Variants in NKAIN2 observed in about 807,000 individuals in gnomAD.
The protein encoded by NKAIN2 is sodium/potassium transporting ATPase interacting 2.
NKAIN2 carries 14 observed loss-of-function variants against 32.6 expected under a neutral mutation model. That is an observed-to-expected ratio of 0.43 (90% CI 0.28 to 0.67). The LOEUF is 0.67. NKAIN2 is among the 30% of genes least tolerant of loss of function. The probability of loss-of-function intolerance (pLI) is 0.17; values close to 1 mark genes in which losing one functional copy is unlikely to be tolerated. For missense variants in NKAIN2, 198 were observed against 258.3 expected (o/e 0.77, Z 1.60); for synonymous variants, 80 against 87.2 (o/e 0.92, Z 0.46).
chr6:123,858,815 A>G (rs1775665183), intron 1 of NKAIN2, among the ~76,000 whole-genome samples: 1 of 152,224 alleles, frequency 6.6e-6, no homozygotes, highest in Non-Finnish European at 1.5e-5. Context: ...AGTGAGTGTG[A>G]TGCCAGAAGA....
rs76406208 is a variant in NKAIN2 at position 124,419,955 on chromosome 6, G to A, written c.273+64608G>A. On this transcript the variant is annotated intron_variant, in intron 3 of 6. Transcript: ENST00000368417. ...GCAAGATTTCTTCCTTTTTTTTCCC[G>A]GAATATCCTGGAATATGATCATTTG... Among the ~76,000 whole-genome samples the A allele has an allele frequency of 6.8e-3, 1,029 of 151,754 alleles. 14 individuals carry two copies. The highest frequency in any genetic ancestry group is 0.023 in the African/African-American group (959 of 41,356).
intron 1 of NKAIN2, among the ~76,000 whole-genome samples, chr6:123,934,656 G>A (rs1776418589): frequency 6.6e-6 from 1 of 151,896 alleles, no homozygotes; most frequent in South Asian, 2.1e-4. Flanking sequence ...AAATCTTAAG[G>A]AATAAATAAC....
chr6:124,503,717 A>G (rs1430448200), intron 3 of NKAIN2, among the ~76,000 whole-genome samples: 3 of 152,172 alleles, frequency 2.0e-5, no homozygotes, highest in Non-Finnish European at 4.4e-5. Context: ...GCACAAAAAT[A>G]AAACTGACTC....
intron 3 of NKAIN2, among the ~76,000 whole-genome samples, chr6:124,427,977 T>C (rs1426954253): frequency 6.6e-6 from 1 of 152,158 alleles, no homozygotes; most frequent in Non-Finnish European, 1.5e-5. Flanking sequence ...AAATGGAATG[T>C]CAAAGACAGA....
chr6:124,232,633 C>T (rs1005596486), intron 1 of NKAIN2, among the ~76,000 whole-genome samples: 1 of 152,174 alleles, frequency 6.6e-6, no homozygotes, highest in African/African-American at 2.4e-5. Context: ...GTTATCCCCC[C>T]ACTTTCCTGA....
chr6:123,990,361 C>T (rs1267720704), intron 1 of NKAIN2, among the ~76,000 whole-genome samples: 1 of 152,126 alleles, frequency 6.6e-6, no homozygotes, highest in African/African-American at 2.4e-5. Context: ...CTAAAATATC[C>T]ATATTTTTAG....
chr6:124,509,946 T>C (rs1778645735), intron 3 of NKAIN2, among the ~76,000 whole-genome samples: 1 of 152,186 alleles, frequency 6.6e-6, no homozygotes, highest in African/African-American at 2.4e-5. Flanking sequence ...AAATGTTCCT[T>C]TCAGTCAGAA....
intron 1 of NKAIN2, among the ~76,000 whole-genome samples, chr6:124,229,501 C>CAGAT (rs371937856): frequency 0.21 from 29,438 of 142,646 alleles, 3,211 homozygotes; most frequent in Admixed American, 0.32. Context: ...GATAGATAGA[C>CAGAT]AGATAGATAG....
chr6:124,197,824 T>C (rs1790387838), intron 1 of NKAIN2, among the ~76,000 whole-genome samples: 1 of 147,848 alleles, frequency 6.8e-6, no homozygotes, highest in Non-Finnish European at 1.5e-5. Flanking sequence ...TTTCAGAGTA[T>C]AACCTGTGTC....
intron 1 of NKAIN2, among the ~76,000 whole-genome samples, chr6:123,883,388 A>G (rs1042253805): frequency 1.3e-5 from 2 of 151,666 alleles, no homozygotes; most frequent in Admixed American, 1.3e-4. Context: ...CTCGTGATTC[A>G]CCCGCCTCGG....
chr6:124,337,270 G>T (rs896680952), intron 2 of NKAIN2, among the ~76,000 whole-genome samples: 1 of 152,178 alleles, frequency 6.6e-6, no homozygotes. Flanking sequence ...GCCAAGATGG[G>T]CAGATCCCTT....
chr6:124,738,238 G>A (rs1025162015), intron 4 of NKAIN2, among the ~76,000 whole-genome samples: 1 of 151,734 alleles, frequency 6.6e-6, no homozygotes, highest in Non-Finnish European at 1.5e-5. Context: ...AAAATTGACT[G>A]CAATTTTAAA....
At chr6:124,762,503 A>G (rs189499931) in intron 4 of NKAIN2, among the ~76,000 whole-genome samples, 7 of 152,334 alleles carry the variant, frequency 4.6e-5, no homozygotes, top group Admixed American at 6.5e-5. Context: ...AGAGAAAAAT[A>G]TAGTCATAAA....
chr6:124,183,592 T>G (rs1789561327), intron 1 of NKAIN2, among the ~76,000 whole-genome samples: 1 of 152,006 alleles, frequency 6.6e-6, no homozygotes, highest in South Asian at 2.1e-4. Flanking sequence ...TATTGGAATA[T>G]TTTTCTAAAA....
At chr6:124,813,822 G>T (rs1457817407) in intron 5 of NKAIN2, among the ~76,000 whole-genome samples, 1 of 152,100 alleles carries the variant, frequency 6.6e-6, no homozygotes, top group African/African-American at 2.4e-5. Context: ...ATAGATAGAA[G>T]TTACTCTTTT....
intron 1 of NKAIN2, among the ~76,000 whole-genome samples, chr6:123,878,095 G>A (rs1773253707): frequency 6.6e-6 from 1 of 151,950 alleles, no homozygotes; most frequent in African/African-American, 2.4e-5. Context: ...GCTTGGTGGT[G>A]CATGCCTGTA....
At chr6:123,962,905 G>C (rs1409390144) in intron 1 of NKAIN2, among the ~76,000 whole-genome samples, 1 of 152,146 alleles carries the variant, frequency 6.6e-6, no homozygotes, top group Non-Finnish European at 1.5e-5. Flanking sequence ...TTCCTCAAGT[G>C]TTTTTCCAGC....
intron 1 of NKAIN2, among the ~76,000 whole-genome samples, chr6:123,846,840 G>GCA (rs1184749547): frequency 7.2e-5 from 5 of 69,104 alleles, no homozygotes; most frequent in East Asian, 1.0e-3. Flanking sequence ...ACACACGCAC[G>GCA]CGCGCACACA....
At chr6:124,044,010 TG>T (rs1782002256) in intron 1 of NKAIN2, among the ~76,000 whole-genome samples, 1 of 152,022 alleles carries the variant, frequency 6.6e-6, no homozygotes, top group Non-Finnish European at 1.5e-5. Context: ...CCTAAAACAT[TG>T]ACTTAGGCGA....
Sources: allele counts gnomAD v4.1 joint callset (sites outside exome capture counted in the v4.1 genomes callset), GRCh38; gene constraint gnomAD v4.1.1; transcripts MANE v1.5; gene names NCBI Gene and HGNC (gene_info 2026-07-23, HGNC 2026-07-21).